FAF1: variants seen among roughly 807,000 people sequenced by gnomAD.
The protein encoded by FAF1 is Fas associated factor 1.
A neutral mutation model predicts 92.5 loss-of-function variants in FAF1; 25 were observed. That is an observed-to-expected ratio of 0.27 (90% CI 0.20 to 0.38). The LOEUF (loss-of-function observed/expected upper bound fraction) is 0.38, where lower values mean the gene tolerates loss of function less well. Ranked by LOEUF, FAF1 falls within the 10% of genes least tolerant of loss-of-function variation. FAF1 has a pLI of 1.00. For synonymous variants in FAF1, 234 were observed against 273.2 expected, an observed-to-expected ratio of 0.86 and a Z score of 1.42; for missense variants, 636 against 793.3, an observed-to-expected ratio of 0.80 and a Z score of 2.38.
At chr1:50,680,683 CAA>C (rs578164784) in intron 7 of FAF1, among the ~76,000 whole-genome samples, 1 of 134,938 alleles carries the variant, frequency 7.4e-6, no homozygotes. Flanking sequence ...ACTCTGTCTC[CAA>C]AAAAAAAAAG....
chr1:50,752,436 AC>A (rs1295786041), intron 4 of FAF1, among the ~76,000 whole-genome samples: 1 of 152,056 alleles, frequency 6.6e-6, no homozygotes, highest in Non-Finnish European at 1.5e-5. Flanking sequence ...TCTTAATATC[AC>A]CTTATAGTCC....
At chr1:50,948,718 G>A (rs185698339) in intron 1 of FAF1, among the ~76,000 whole-genome samples, 6 of 152,062 alleles carry the variant, frequency 3.9e-5, no homozygotes, top group African/African-American at 1.4e-4. Flanking sequence ...TAGAGATGGG[G>A]TTTCACCATG....
chr1:50,489,487 C>T (rs1226184766), intron 17 of FAF1, among the ~76,000 whole-genome samples: 1 of 152,184 alleles, frequency 6.6e-6, no homozygotes, highest in Non-Finnish European at 1.5e-5. Context: ...ATTTGACCCC[C>T]ATTCTGTTTG....
At chr1:50,671,639 GTAGGTTAGCA>G (rs1200038013) in intron 7 of FAF1, among the ~76,000 whole-genome samples, 1 of 152,042 alleles carries the variant, frequency 6.6e-6, no homozygotes, top group Non-Finnish European at 1.5e-5. Flanking sequence ...TATTCACGTA[GTAGGTTAGCA>G]GCAGGTGTAA....
intron 1 of FAF1, among the ~76,000 whole-genome samples, chr1:50,907,759 T>C (rs925264477): frequency 2.4e-4 from 37 of 152,296 alleles, no homozygotes; most frequent in African/African-American, 8.4e-4. Flanking sequence ...ATCTATTTGA[T>C]TCTTCTCTCT....
intron 17 of FAF1, among the ~76,000 whole-genome samples, chr1:50,486,916 T>C (rs1646776038): frequency 6.6e-6 from 1 of 152,176 alleles, no homozygotes; most frequent in African/African-American, 2.4e-5. Context: ...GTATATATAT[T>C]TCACGCATTT....
At chr1:50,604,172 C>A (rs556787835) in intron 8 of FAF1, among the ~76,000 whole-genome samples, 2 of 152,184 alleles carry the variant, frequency 1.3e-5, no homozygotes, top group African/African-American at 4.8e-5. Context: ...TGCTTGTATC[C>A]CAACCAGGAG....
intron 11 of FAF1, 30 bp from the exon 12 acceptor site, chr1:50,582,729 A>C: frequency 3.0e-6 from 4 of 1,354,520 alleles, no homozygotes; most frequent in Non-Finnish European, 4.2e-6. Flanking sequence ...TATTAATTAA[A>C]ATACTTTTCA....
At chr1:50,637,677 A>ATGTGTGTGTGTG (rs1290887015) in intron 8 of FAF1, among the ~76,000 whole-genome samples, 165 of 95,304 alleles carry the variant, frequency 1.7e-3, no homozygotes, top group Non-Finnish European at 3.1e-3. Flanking sequence ...TCACACATAT[A>ATGTGTGTGTGTG]TATATGTGTG....
At chr1:50,812,983 A>G (rs1317964132) in intron 2 of FAF1, among the ~76,000 whole-genome samples, 1 of 152,148 alleles carries the variant, frequency 6.6e-6, no homozygotes, top group African/African-American at 2.4e-5. Flanking sequence ...AACCAAACAT[A>G]GTGTGTTCTC....
At chr1:50,461,007 A>G (rs1377918775) in intron 18 of FAF1, among the ~76,000 whole-genome samples, 1 of 152,202 alleles carries the variant, frequency 6.6e-6, no homozygotes, top group African/African-American at 2.4e-5. Flanking sequence ...AAAGTTATGT[A>G]CCGAGTGGTT....
intron 12 of FAF1, among the ~76,000 whole-genome samples, chr1:50,578,385 C>T (rs758743057): frequency 6.6e-6 from 1 of 152,094 alleles, no homozygotes; most frequent in Non-Finnish European, 1.5e-5. Flanking sequence ...TTCTGAAAAA[C>T]GATTCATTCA....
At chr1:50,527,844 C>T (rs12731021) in intron 15 of FAF1, among the ~76,000 whole-genome samples, 386 of 38,050 alleles carry the variant, frequency 0.01, no homozygotes, top group Non-Finnish European at 0.017. Flanking sequence ...TCTCTCTCTC[C>T]CTCTCTCCCT....
At chr1:50,636,971 T>C (rs1654043892) in intron 8 of FAF1, among the ~76,000 whole-genome samples, 1 of 152,150 alleles carries the variant, frequency 6.6e-6, no homozygotes, top group African/African-American at 2.4e-5. Flanking sequence ...CATTACTTTG[T>C]TATCTTTGCA....
At chr1:50,729,904 C>G (rs980899380) in intron 6 of FAF1, among the ~76,000 whole-genome samples, 1 of 152,026 alleles carries the variant, frequency 6.6e-6, no homozygotes, top group Admixed American at 6.6e-5. Flanking sequence ...GCCTGTAGTC[C>G]CAGCTACTCA....
At chr1:50,647,157 C>T (rs904852977) in intron 8 of FAF1, among the ~76,000 whole-genome samples, 2 of 152,006 alleles carry the variant, frequency 1.3e-5, no homozygotes, top group African/African-American at 2.4e-5. Flanking sequence ...CCTAGGGCTC[C>T]GGACTTCTAC....
intron 9 of FAF1, among the ~76,000 whole-genome samples, chr1:50,587,629 A>T (rs1039284227): frequency 6.6e-6 from 1 of 152,222 alleles, no homozygotes. Context: ...AAAAACAGCT[A>T]AAAAATTAGT....
chr1:50,661,426 A>G (rs1655370870), intron 7 of FAF1, among the ~76,000 whole-genome samples: 1 of 152,226 alleles, frequency 6.6e-6, no homozygotes, highest in South Asian at 2.1e-4. Context: ...CAAAATGTTC[A>G]GTAATCAGTG....
At chr1:50,542,745 A>AAATAATACAAT (rs1648818815) in intron 13 of FAF1, among the ~76,000 whole-genome samples, 1 of 152,234 alleles carries the variant, frequency 6.6e-6, no homozygotes, top group Non-Finnish European at 1.5e-5. Context: ...ACAATTTCTG[A>AAATAATACAAT]ATAAATTGAA....
Sources: allele counts gnomAD v4.1 joint callset (sites outside exome capture counted in the v4.1 genomes callset), GRCh38; gene constraint gnomAD v4.1.1; transcripts MANE v1.5; gene names NCBI Gene and HGNC (gene_info 2026-07-23, HGNC 2026-07-21).